STARD13: variants seen among roughly 807,000 people sequenced by gnomAD.
STARD13 encodes the protein stAR-related lipid transfer protein 13.
STARD13 carries 62 observed loss-of-function variants against 106.4 expected under a neutral mutation model. The observed-to-expected ratio is 0.58, with a 90% CI of 0.48 to 0.72. STARD13 has a LOEUF of 0.72. Ranked by LOEUF, STARD13 falls within the 30% of genes least tolerant of loss-of-function variation. The pLI is 0.00. For missense variants in STARD13, 1,387 were observed against 1,424.0 expected (o/e 0.97, Z 0.42); for synonymous variants, 565 against 553.0 (o/e 1.02, Z -0.31).
At chr13:33,634,219 GA>G in the STARD13 span, among the ~76,000 whole-genome samples, 1 of 152,108 alleles carries the variant, frequency 6.6e-6, no homozygotes, top group East Asian at 1.9e-4. Flanking sequence ...TAAGAATTCT[GA>G]GTGGCATCAT....
the STARD13 span, among the ~76,000 whole-genome samples, chr13:33,664,933 AC>A: frequency 1.3e-5 from 2 of 152,214 alleles, no homozygotes; most frequent in Non-Finnish European, 2.9e-5. Flanking sequence ...GCCAAAAACT[AC>A]TTACTCTTTT....
the STARD13 span, among the ~76,000 whole-genome samples, chr13:33,517,279 C>T: frequency 4.6e-5 from 7 of 152,060 alleles, no homozygotes; most frequent in Admixed American, 3.3e-4. Context: ...AAACCCAATT[C>T]GTTTTGCCTA....
intron 3 of STARD13, among the ~76,000 whole-genome samples, chr13:33,162,242 C>T (rs182023045): frequency 1.3e-5 from 2 of 152,296 alleles, no homozygotes; most frequent in Admixed American, 6.5e-5. Flanking sequence ...ACACAGGGCA[C>T]CAAGTGCCTA....
At chr13:33,166,993 CA>C (rs376027158) in intron 2 of STARD13, among the ~76,000 whole-genome samples, 1 of 103,466 alleles carries the variant, frequency 9.7e-6, no homozygotes. Flanking sequence ...GACTCTATCT[CA>C]AAAAAAAACA....
At chr13:33,340,337 G>A (rs1290527240) in intron 1 of STARD13, among the ~76,000 whole-genome samples, 5 of 152,138 alleles carry the variant, frequency 3.3e-5, no homozygotes, top group African/African-American at 1.2e-4. Context: ...CCAAGTAGGA[G>A]TAGCTAGGAC....
chr13:33,132,626 G>A (rs1409858887), intron 4 of STARD13, among the ~76,000 whole-genome samples: 2 of 152,310 alleles, frequency 1.3e-5, no homozygotes, highest in East Asian at 1.9e-4. Flanking sequence ...TGAGGTGGAA[G>A]GGTCTTTTGA....
At chr13:33,290,904 A>C (rs1031809176) in intron 1 of STARD13, among the ~76,000 whole-genome samples, 6 of 152,268 alleles carry the variant, frequency 3.9e-5, no homozygotes, top group Non-Finnish European at 8.8e-5. Flanking sequence ...TATTGCCTCC[A>C]GAAACACTTT....
At chr13:33,385,086 C>A in the STARD13 span, among the ~76,000 whole-genome samples, 2 of 147,116 alleles carry the variant, frequency 1.4e-5, no homozygotes, top group Non-Finnish European at 3.0e-5. Flanking sequence ...TTTCAACACA[C>A]CTTGGAAATC....
the STARD13 span, among the ~76,000 whole-genome samples, chr13:33,643,156 C>T: frequency 7.6e-6 from 1 of 132,042 alleles, no homozygotes; most frequent in Admixed American, 8.6e-5. Context: ...TTACATAGAA[C>T]ATGCACACAC....
chr13:33,216,222 T>C (rs1157924143), intron 1 of STARD13, among the ~76,000 whole-genome samples: 1 of 152,148 alleles, frequency 6.6e-6, no homozygotes, highest in Non-Finnish European at 1.5e-5. Flanking sequence ...GGGTATCTAC[T>C]GAGAGGAAAA....
At chr13:33,465,493 T>C in the STARD13 span, among the ~76,000 whole-genome samples, 1 of 152,168 alleles carries the variant, frequency 6.6e-6, no homozygotes, top group African/African-American at 2.4e-5. Flanking sequence ...TGAGCCACCG[T>C]GCCCAGCTGG....
chr13:33,423,023 A>G, the STARD13 span, among the ~76,000 whole-genome samples: 1 of 152,244 alleles, frequency 6.6e-6, no homozygotes, highest in African/African-American at 2.4e-5. Context: ...ACCATTCAGG[A>G]CATAGGCATG....
intron 1 of STARD13, among the ~76,000 whole-genome samples, chr13:33,299,726 C>T (rs920776575): frequency 6.6e-6 from 1 of 152,168 alleles, no homozygotes. Flanking sequence ...TGGGCCCAGG[C>T]ACTTGGAATC....
chr13:33,189,444 A>G (rs1886074658), intron 1 of STARD13, among the ~76,000 whole-genome samples: 1 of 113,684 alleles, frequency 8.8e-6, no homozygotes, highest in African/African-American at 3.1e-5. Context: ...CGGAGGAAGG[A>G]GGGAAAGCAG....
chr13:33,306,267 T>A (rs112947102), intron 1 of STARD13, among the ~76,000 whole-genome samples: 3 of 152,340 alleles, frequency 2.0e-5, no homozygotes, highest in African/African-American at 7.2e-5. Flanking sequence ...GAAAAGTGAC[T>A]AGCTATACGC....
chr13:33,185,948 G>T, intron 1 of STARD13: 2 of 1,614,216 alleles, frequency 1.2e-6, no homozygotes, highest in Non-Finnish European at 1.7e-6. Context: ...TGCATTCTCT[G>T]CACCAGCGCA....
intron 1 of STARD13, among the ~76,000 whole-genome samples, chr13:33,340,868 C>A (rs1413236013): frequency 2.0e-5 from 3 of 152,166 alleles, no homozygotes; most frequent in Admixed American, 6.5e-5. Context: ...GTGATTTGGG[C>A]AGCATAGTAA....
In STARD13 at chr13:33,350,565, C is replaced by A. The variant is rs189139106; in HGVS notation, c.-152G>T. The A allele has an allele frequency of 3.8e-4, 526 of 1,398,678 alleles. 2 individuals are homozygous for A. The African/African-American group carries it at 5.5e-3, about 15-fold the overall frequency. 86.6% of individuals were successfully genotyped at this position (1,398,678 alleles called of 1,614,324 possible). A position where few individuals can be genotyped will look rare whatever the true frequency, so the allele number is the denominator to read the frequency against. On this transcript the variant is annotated 5_prime_UTR_variant, in exon 1 of 2. Coordinates refer to the STARD13 transcript ENST00000439831. ...GGGCGCGACATGGGTCGGTCCGGCG[C>A]TGGGAGGCTGCGCCACGCGCGAGGA... is the stretch of plus-strand genomic sequence containing the variant.
chr13:33,230,094 G>A (rs1034457595), intron 1 of STARD13, among the ~76,000 whole-genome samples: 1 of 152,206 alleles, frequency 6.6e-6, no homozygotes, highest in Non-Finnish European at 1.5e-5. Flanking sequence ...TGCAATTATT[G>A]GGAGCAGATG....
Sources: allele counts gnomAD v4.1 joint callset (sites outside exome capture counted in the v4.1 genomes callset), GRCh38; gene constraint gnomAD v4.1.1; transcripts MANE v1.5; gene names NCBI Gene and HGNC (gene_info 2026-07-23, HGNC 2026-07-21).